Variants in UBE2Q2 observed in about 807,000 individuals in gnomAD.
UBE2Q2 encodes ubiquitin conjugating enzyme E2 Q2.
Under a neutral mutation model 59.9 loss-of-function variants are expected in UBE2Q2, and 54 were observed. That is an observed-to-expected ratio of 0.90 (90% CI 0.72 to 1.13). The LOEUF (loss-of-function observed/expected upper bound fraction) is 1.13, where lower values mean the gene tolerates loss of function less well. Among genes scored for constraint, UBE2Q2 ranks in the 50% most tolerant of loss-of-function variants. The pLI is 0.00. For missense variants in UBE2Q2, 433 were observed against 441.9 expected (o/e 0.98, Z 0.18); for synonymous variants, 165 against 155.2 (o/e 1.06, Z -0.47).
chr15:75,884,522 T>C (rs1467856076), intron 9 of UBE2Q2, among the ~76,000 whole-genome samples: 1 of 152,228 alleles, frequency 6.6e-6, no homozygotes, highest in African/African-American at 2.4e-5. Context: ...AGAATAGTTA[T>C]TTGGGCATGG....
At chr15:75,856,873 G>A (rs1438904351) in intron 2 of UBE2Q2, among the ~76,000 whole-genome samples, 1 of 151,890 alleles carries the variant, frequency 6.6e-6, no homozygotes, top group African/African-American at 2.4e-5. Flanking sequence ...AACCTGGGAG[G>A]CAGGTTGCAG....
chr15:75,890,018 G>C (rs1443728067), intron 9 of UBE2Q2, among the ~76,000 whole-genome samples: 3 of 152,204 alleles, frequency 2.0e-5, no homozygotes, highest in African/African-American at 7.2e-5. Flanking sequence ...TCATAGCATG[G>C]ATAGGGTAAG....
At chr15:75,898,749 G>C (rs1470611715) in intron 12 of UBE2Q2, among the ~76,000 whole-genome samples, 1 of 152,060 alleles carries the variant, frequency 6.6e-6, no homozygotes, top group African/African-American at 2.4e-5. Flanking sequence ...ATTTTGTTTG[G>C]GGAAATAAGT....
intron 2 of UBE2Q2, among the ~76,000 whole-genome samples, chr15:75,858,469 C>T (rs185258002): frequency 6.6e-6 from 1 of 152,266 alleles, no homozygotes; most frequent in Admixed American, 6.5e-5. Flanking sequence ...TACTACTGTT[C>T]TCTGACCCCC....
chr15:75,900,098 G>C lies in UBE2Q2; in HGVS notation c.*640G>C, dbSNP rs1314418232. 1.3e-5 allele frequency: 2 copies of C among 152,520 alleles called. No homozygotes were observed. The highest frequency in any genetic ancestry group is 3.8e-4 in the East Asian group (2 of 5,202). The allele number at this position is 152,520 out of a possible 1,614,324, so 9.4% of individuals were successfully genotyped here. A position where few individuals can be genotyped will look rare whatever the true frequency, so the allele number is the denominator to read the frequency against. ...TGTAAAACTGTATCAATTAAGGCTT[G>C]TGAGTAGTGATTTCCACTGGGGCAT... On this transcript the variant is annotated 3_prime_UTR_variant, in exon 13 of 13. Transcript: ENST00000267938.
At chr15:75,890,810 C>T (rs1899055758) in intron 10 of UBE2Q2, 109 bp from the exon 11 acceptor site, 1 of 924,298 alleles carries the variant, frequency 1.1e-6, no homozygotes, top group Non-Finnish European at 1.7e-6. Flanking sequence ...TGACTACAGT[C>T]TTTTTAACAC....
At position 75,876,188 on chromosome 15, in the gene UBE2Q2, G is replaced by A; in HGVS notation, c.590G>A (p.Gly197Asp). The change falls in exon 6 of 13, where the codon GGT becomes GAT. Residue 197 changes from glycine (G) to aspartate (D), a missense_variant and splice_region_variant. Physicochemically the swap from Gly to Asp is moderately conservative, Grantham distance 94. Coordinates refer to ENST00000267938, the MANE Select transcript of UBE2Q2 (RefSeq NM_173469.4). ...RKTQRQDHLN[G>D]AVSGSVQASD... ...TAAACAGTGGCTTTTGTGTTTCAGG[G>A]TGCAGTGTCTGGGTCAGTGCAAGCT... The A allele has an allele frequency of 6.2e-7, 1 of 1,613,910 alleles. No homozygotes were observed. The highest frequency in any genetic ancestry group is 1.1e-5 in the South Asian group (1 of 91,068).
At chr15:75,855,531 A>G (rs910469299) in intron 2 of UBE2Q2, among the ~76,000 whole-genome samples, 3 of 152,098 alleles carry the variant, frequency 2.0e-5, no homozygotes, top group African/African-American at 7.2e-5. Flanking sequence ...ATGATGTCAT[A>G]CAGTCTTTAT....
rs1322720186 is a variant in UBE2Q2, at chr15:75,844,153, G to T, written c.180+307G>T. 1.1e-5 allele frequency: 16 copies of T among 1,432,766 alleles called. No individual in the cohort carries two copies. The East Asian group carries it at 3.0e-4, about 27-fold the overall frequency. 88.8% of individuals were successfully genotyped at this position (1,432,766 alleles called of 1,614,324 possible). ...CCGCGGCGGCCCAAGCCCTTGTGGG[G>T]TCCATGGCCGCCCTCAGCCGGCCTG... On this transcript the variant is annotated intron_variant, in intron 1 of 12. Transcript: ENST00000267938.
chr15:75,858,052 C>G (rs1448081696), intron 2 of UBE2Q2, among the ~76,000 whole-genome samples: 1 of 152,126 alleles, frequency 6.6e-6, no homozygotes. Context: ...ATGGAACTTC[C>G]ATCTGATTAC....
At chr15:75,845,177 C>T (rs1184547585) in intron 1 of UBE2Q2, among the ~76,000 whole-genome samples, 11 of 151,954 alleles carry the variant, frequency 7.2e-5, no homozygotes, top group Non-Finnish European at 2.9e-5. Context: ...GGGGGAGGTG[C>T]GCTTCAGGGA....
intron 3 of UBE2Q2, among the ~76,000 whole-genome samples, chr15:75,860,710 C>T (rs1897164052): frequency 6.6e-6 from 1 of 152,006 alleles, no homozygotes; most frequent in Admixed American, 6.6e-5. Context: ...TGTGAGGTTT[C>T]CCTTTCTTCT....
chr15:75,866,462 C>T (rs533264036), intron 3 of UBE2Q2, among the ~76,000 whole-genome samples: 23 of 152,262 alleles, frequency 1.5e-4, no homozygotes, highest in Admixed American at 4.6e-4. Context: ...CATGAGCCAC[C>T]GTGTCCGGCC....
intron 2 of UBE2Q2, among the ~76,000 whole-genome samples, chr15:75,854,818 T>A (rs915346795): frequency 6.6e-6 from 1 of 152,140 alleles, no homozygotes; most frequent in Non-Finnish European, 1.5e-5. Flanking sequence ...AAGGGAGAGA[T>A]GGGGAGAATG....
At chr15:75,889,590 G>A (rs1485319548) in intron 9 of UBE2Q2, among the ~76,000 whole-genome samples, 1 of 152,160 alleles carries the variant, frequency 6.6e-6, no homozygotes. Context: ...TCAAGCAAGG[G>A]AAAGGCATGG....
chr15:75,896,495 G>T (rs909530357), intron 11 of UBE2Q2, among the ~76,000 whole-genome samples: 3 of 152,068 alleles, frequency 2.0e-5, no homozygotes, highest in African/African-American at 7.2e-5. Flanking sequence ...TCAAAAGAGG[G>T]CTCCTTTAGT....
chr15:75,875,663 CT>C (rs1383639205), intron 5 of UBE2Q2, among the ~76,000 whole-genome samples: 1 of 152,154 alleles, frequency 6.6e-6, no homozygotes, highest in African/African-American at 2.4e-5. Context: ...GTTGGCTAGA[CT>C]TTTTCACATG....
intron 3 of UBE2Q2, among the ~76,000 whole-genome samples, chr15:75,862,988 G>C (rs1001138784): frequency 7.9e-5 from 12 of 152,214 alleles, no homozygotes; most frequent in African/African-American, 2.9e-4. Context: ...CCATTCCTCT[G>C]GAGATGAAAT....
At chr15:75,844,219 C>A in intron 1 of UBE2Q2, 1 of 1,474,536 alleles carries the variant, frequency 6.8e-7, no homozygotes, top group South Asian at 1.4e-5. Context: ...CGGCGCAGCT[C>A]CGGCTGTTGT....
Sources: gnomAD v4.1 joint callset for allele counts (sites outside exome capture counted in the v4.1 genomes callset) on GRCh38, gnomAD v4.1.1 for gene constraint, MANE v1.5 for transcripts, NCBI Gene and HGNC (gene_info 2026-07-23, HGNC 2026-07-21) for gene names.